DSEL: variants seen among roughly 807,000 people sequenced by gnomAD.
DSEL encodes dermatan-sulfate epimerase-like protein.
Under a neutral mutation model 96.6 loss-of-function variants are expected in DSEL, and 61 were observed. The observed-to-expected ratio is 0.63, with a 90% CI of 0.51 to 0.78. DSEL has a LOEUF of 0.78. DSEL is among the 30% of genes least tolerant of loss of function. DSEL has a pLI of 0.00. For synonymous variants in DSEL, 514 were observed against 502.0 expected, an observed-to-expected ratio of 1.02 and a Z score of -0.32; for missense variants, 1,320 against 1,430.8, an observed-to-expected ratio of 0.92 and a Z score of 1.25.
Position 67,510,548 on chromosome 18 carries a change from G to A in DSEL, c.*422C>T, listed in dbSNP as rs1009577353. 5.5e-5 allele frequency: 9 copies of A among 162,280 alleles called. No individual in the cohort carries two copies. The highest frequency in any genetic ancestry group is 2.2e-4 in the African/African-American group (9 of 41,820). 10.1% of individuals were successfully genotyped at this position (162,280 alleles called of 1,614,324 possible). ...CTTTTCAAAAGGATAAGGAACTTTT[G>A]TAGTCCATCTTGAAAGCAAGAGATG... On this transcript the variant is annotated 3_prime_UTR_variant, in exon 2 of 2. Transcript: ENST00000310045.
chr18:67,512,361 A>G lies in DSEL; in HGVS notation c.2248T>C (p.Leu750=), dbSNP rs758124949. The change falls in exon 2 of 2, where the codon TTG becomes CTG. Residue 750 remains leucine (L), a synonymous_variant. Transcript: ENST00000310045. Reference sequence around the variant, plus strand: ...GGCTTTACTATTGCTTGAGTGCCCAAACCAAATCGGGTTATTTGGCCTTGA... The same window carrying G: ...GGCTTTACTATTGCTTGAGTGCCCAGACCAAATCGGGTTATTTGGCCTTGA... The part of the protein sequence containing the change: ...ADQGQITRFG[L]GTQAIVKPVR... The G allele has an allele frequency of 1.4e-5, 22 of 1,614,182 alleles. No individual in the cohort carries two copies. The East Asian group carries it at 3.1e-4, about 23-fold the overall frequency.
Position 67,515,483 on chromosome 18 carries a change from T to C in DSEL, c.-875A>G, listed in dbSNP as rs567402060. ...AGGTCTCTCTTCTGCTCTTTTTTCA[T>C]GACACTTTTCTGGGGATGGGGGACA... On this transcript the variant is annotated 5_prime_UTR_variant, in exon 2 of 2. It removes an upstream start codon present in the reference 5' UTR. Transcript: ENST00000310045. 1.8e-5 allele frequency: 3 copies of C among 167,118 alleles called. No individual in the cohort carries two copies. Among genetic ancestry groups the C allele is most frequent in the Non-Finnish European group, 4.4e-5 (3 of 68,114 alleles). 10.4% of individuals were successfully genotyped at this position (167,118 alleles called of 1,614,324 possible).
At position 67,513,392 on chromosome 18, in the gene DSEL, G is replaced by A; in HGVS notation, c.1217C>T (p.Thr406Ile). The A allele has an allele frequency of 1.2e-6, 2 of 1,614,204 alleles. No individual in the cohort carries two copies. Among genetic ancestry groups the A allele is most frequent in the Non-Finnish European group, 1.7e-6 (2 of 1,180,040 alleles). The change falls in exon 2 of 2, where the codon ACT becomes ATT. Residue 406 changes from threonine to isoleucine, a missense_variant. By Grantham distance (89) the Thr-to-Ile change is moderately conservative (BLOSUM62 -1). This residue lies in a region of DSEL where 986 missense variants were observed against 1,066.4 expected (regional missense o/e 0.92). Coordinates refer to ENST00000310045, the MANE Select transcript of DSEL (RefSeq NM_032160.3). Reference protein sequence around the residue: ...LTPQPPADYGTAKIHTFPNWG... With the variant: ...LTPQPPADYGIAKIHTFPNWG... ...GTTAGGGAATGTGTGTATTTTTGCA[G>A]TACCATAATCAGCAGGTGGCTGTGG...
chr18:67,512,332 T>A lies in DSEL; in HGVS notation c.2277A>T (p.Val759=). The A allele has an allele frequency of 1.2e-5, 19 of 1,614,244 alleles. No individual in the cohort carries two copies. Among genetic ancestry groups the A allele is most frequent in the Non-Finnish European group, 1.6e-5 (19 of 1,180,048 alleles). Reference sequence around the variant, plus strand: ...AGGGGAAAATAATCCTATCATGTCTTACAGGCTTTACTATTGCTTGAGTGC... The same window carrying A: ...AGGGGAAAATAATCCTATCATGTCTAACAGGCTTTACTATTGCTTGAGTGC... The part of the protein sequence containing the change: ...GLGTQAIVKP[V]RHDRIIFPFG... The change falls in exon 2 of 2, where the codon GTA becomes GTT. Residue 759 remains valine (V), a synonymous_variant. Transcript: ENST00000310045.
chr18:67,516,658 C>G lies in DSEL; in HGVS notation c.-1182G>C, dbSNP rs2089478627. 6.9e-6 allele frequency: 1 copy of G among 144,838 alleles called. No individual in the cohort carries two copies. Among genetic ancestry groups the G allele is most frequent in the African/African-American group, 2.6e-5 (1 of 38,998 alleles). The allele number at this position is 144,838 out of a possible 1,614,324, so 9.0% of individuals were successfully genotyped here. A position where few individuals can be genotyped will look rare whatever the true frequency, so the allele number is the denominator to read the frequency against. Reference sequence around the variant, plus strand: ...CGGGCGGCGGGTTCTCTCGGTGGCGCCGTATCCAGAGCAGCGCCCGCGTGC... The same window carrying G: ...CGGGCGGCGGGTTCTCTCGGTGGCGGCGTATCCAGAGCAGCGCCCGCGTGC... On this transcript the variant is annotated 5_prime_UTR_variant, in exon 1 of 2. Transcript: ENST00000310045. The surrounding 1 kb of genome is among the most constrained non-coding windows in gnomAD (Gnocchi z 5.6).
In DSEL at chr18:67,514,490, T is replaced by C; in HGVS notation, c.119A>G (p.Asp40Gly). 1 of 1,614,188 alleles carries C rather than the reference T, an allele frequency of 6.2e-7. No homozygotes were observed. The highest frequency in any genetic ancestry group is 8.5e-7 in the Non-Finnish European group (1 of 1,180,038). Residue 40 changes from aspartate to glycine, a missense_variant, in exon 2 of 2, where the codon GAT becomes GGT. Coordinates refer to ENST00000310045, the MANE Select transcript of DSEL (RefSeq NM_032160.3). ...TTGCACTTTCTGTGTTTTAAACTGA[T>C]CTATATCATCTGTGAAAACTGCCCA... Reference protein sequence around the residue: ...SEWAVFTDDIDQFKTQKVQDF... With the variant: ...SEWAVFTDDIGQFKTQKVQDF...
In DSEL at chr18:67,508,685, A is replaced by G. The variant is rs571358624; in HGVS notation, c.*2285T>C. 1 of 150,076 alleles carries G rather than the reference A, an allele frequency of 6.7e-6. No individual in the cohort carries two copies. The highest frequency in any genetic ancestry group is 6.6e-5 in the Admixed American group (1 of 15,058). The allele number at this position is 150,076 out of a possible 1,614,324, so 9.3% of individuals were successfully genotyped here. Reference sequence around the variant, plus strand: ...AACTCTTCTTTCCCTATTACTCCACATACTCCATCTGGCCTTCTCCTGCCA... The same window carrying G: ...AACTCTTCTTTCCCTATTACTCCACGTACTCCATCTGGCCTTCTCCTGCCA... On this transcript the variant is annotated 3_prime_UTR_variant, in exon 2 of 2. Coordinates refer to ENST00000310045, the MANE Select transcript of DSEL (RefSeq NM_032160.3).
At position 67,512,242 on chromosome 18, in the gene DSEL, GA is replaced by G. The variant is rs761596732; in HGVS notation, c.2366del (p.Phe789SerfsTer12). On this transcript the variant is annotated frameshift_variant, in exon 2 of 2. Transcript: ENST00000310045. LOFTEE classifies it high-confidence loss of function. ...ILCISLVILTFQWRFYLSFRK... is the reference protein window; with the variant it reads ...ILCISLVILTXQWRFYLSFRK... ...TAAAAGAAAGGTAAAAACGCCATTG[GA>G]AAGTTAAAATCACCAAGCTAATGCA... 1.5e-5 allele frequency: 25 copies of G among 1,614,014 alleles called. No homozygotes were observed. Among genetic ancestry groups the G allele is most frequent in the Non-Finnish European group, 2.1e-5 (25 of 1,180,012 alleles).
In DSEL at chr18:67,514,491, C is replaced by G; in HGVS notation, c.118G>C (p.Asp40His). The change falls in exon 2 of 2, where the codon GAT becomes CAT. Residue 40 changes from aspartate to histidine, a missense_variant. This residue lies in a region of DSEL where 323 missense variants were observed against 333.1 expected (regional missense o/e 0.97). Coordinates refer to ENST00000310045, the MANE Select transcript of DSEL (RefSeq NM_032160.3). Reference protein sequence around the residue: ...SEWAVFTDDIDQFKTQKVQDF... With the variant: ...SEWAVFTDDIHQFKTQKVQDF... The stretch of plus-strand genomic sequence containing the variant: ...TGCACTTTCTGTGTTTTAAACTGAT[C>G]TATATCATCTGTGAAAACTGCCCAT... 6.2e-7 allele frequency: 1 copy of G among 1,614,162 alleles called. No individual in the cohort carries two copies. Among genetic ancestry groups the G allele is most frequent in the Non-Finnish European group, 8.5e-7 (1 of 1,180,032 alleles).
rs2089443850 is a variant in DSEL at position 67,511,727 on chromosome 18, A to C, written c.2882T>G (p.Phe961Cys). ...FAMNKDKKRKFKRRESLPEQR... is the reference protein window; with the variant it reads ...FAMNKDKKRKCKRRESLPEQR... ...TTCTGGCAAAGACTCTCTCCTTTTA[A>C]ATTTTCTTTTTTTGTCCTTATTCAT... The change falls in exon 2 of 2, where the codon TTT becomes TGT. Residue 961 changes from phenylalanine (F) to cysteine (C), a missense_variant. By Grantham distance (205) the Phe-to-Cys change is radical. This residue lies in a region of DSEL where 986 missense variants were observed against 1,066.4 expected (regional missense o/e 0.92). Coordinates refer to ENST00000310045, the MANE Select transcript of DSEL (RefSeq NM_032160.3). The C allele has an allele frequency of 6.2e-7, 1 of 1,613,736 alleles. No homozygotes were observed. The highest frequency in any genetic ancestry group is 1.3e-5 in the African/African-American group (1 of 74,788).
Position 67,514,765 on chromosome 18 carries a change from T to A in DSEL, c.-157A>T. 1.2e-6 allele frequency: 1 copy of A among 845,956 alleles called. No individual in the cohort carries two copies. Among genetic ancestry groups the A allele is most frequent in the Non-Finnish European group, 1.8e-6 (1 of 548,866 alleles). The allele number at this position is 845,956 out of a possible 1,614,324, so 52.4% of individuals were successfully genotyped here. On this transcript the variant is annotated 5_prime_UTR_variant, in exon 2 of 2. Transcript: ENST00000310045. Reference sequence around the variant, plus strand: ...AATCCAGCTGACATTCAGTACATTTTAAGCAAGTGCAGTTGCCAAAAAGAG... The same window carrying A: ...AATCCAGCTGACATTCAGTACATTTAAAGCAAGTGCAGTTGCCAAAAAGAG...
At position 67,509,833 on chromosome 18, in the gene DSEL, G is replaced by A. The variant is rs2089431435; in HGVS notation, c.*1137C>T. On this transcript the variant is annotated 3_prime_UTR_variant, in exon 2 of 2. Coordinates refer to ENST00000310045, the MANE Select transcript of DSEL (RefSeq NM_032160.3). ...AATAAAATAAACCACACTTTATGAC[G>A]ACTACATTTATAATAAGATGCAGAT... is the stretch of plus-strand genomic sequence containing the variant. 2 of 152,580 alleles carry A rather than the reference G, an allele frequency of 1.3e-5. No individual in the cohort carries two copies. Among genetic ancestry groups the A allele is most frequent in the South Asian group, 2.1e-4 (1 of 4,832 alleles). 9.5% of individuals were successfully genotyped at this position (152,580 alleles called of 1,614,324 possible).
rs2089436719 is a variant in DSEL at position 67,510,767 on chromosome 18, G to A, written c.*203C>T. 1 of 486,594 alleles carries A rather than the reference G, an allele frequency of 2.1e-6. No individual in the cohort carries two copies. The highest frequency in any genetic ancestry group is 3.5e-6 in the Non-Finnish European group (1 of 282,244). The allele number at this position is 486,594 out of a possible 1,614,324, so 30.1% of individuals were successfully genotyped here. ...ACAAAATTTTCAGAAACAAAGGCAAGGGAGGTGATGACATAAAAATAAATC... is the reference window on the plus strand; with the variant it reads ...ACAAAATTTTCAGAAACAAAGGCAAAGGAGGTGATGACATAAAAATAAATC... On this transcript the variant is annotated 3_prime_UTR_variant, in exon 2 of 2. Transcript: ENST00000310045.
At position 67,514,138 on chromosome 18, in the gene DSEL, G is replaced by GT. The variant is rs775168761; in HGVS notation, c.470dup (p.Asp157GlufsTer11). The GT allele has an allele frequency of 6.2e-7, 1 of 1,614,206 alleles. No homozygotes were observed. Among genetic ancestry groups the GT allele is most frequent in the South Asian group, 1.1e-5 (1 of 91,088 alleles). On this transcript the variant is annotated frameshift_variant, in exon 2 of 2. Coordinates refer to ENST00000310045, the MANE Select transcript of DSEL (RefSeq NM_032160.3). LOFTEE classifies it high-confidence loss of function. ...CTCCTGGTGCATTCTCTACTAGCCA[G>GT]TCTTTGTAGCCAACCATCCTGTCCA... is the stretch of plus-strand genomic sequence containing the variant.
Position 67,513,718 on chromosome 18 carries a change from A to G in DSEL, c.891T>C (p.His297=). The G allele has an allele frequency of 6.2e-7, 1 of 1,614,230 alleles. No individual in the cohort carries two copies. Among genetic ancestry groups the G allele is most frequent in the Non-Finnish European group, 8.5e-7 (1 of 1,180,042 alleles). Residue 297 remains histidine (H), a synonymous_variant, in exon 2 of 2, where the codon CAT becomes CAC. Transcript: ENST00000310045. ...VTQYVFLAQR[H]FNINNLDNNW... is the part of the protein sequence containing the mutation. ...TATTATCCAAGTTGTTGATATTAAAATGGCGCTGGGCCAGAAAAACATACT... is the reference window on the plus strand; with the variant it reads ...TATTATCCAAGTTGTTGATATTAAAGTGGCGCTGGGCCAGAAAAACATACT...
Position 67,515,387 on chromosome 18 carries a change from C to T in DSEL, c.-779G>A, listed in dbSNP as rs934241103. 3 of 167,006 alleles carry T rather than the reference C, an allele frequency of 1.8e-5. No homozygotes were observed. Among genetic ancestry groups the T allele is most frequent in the African/African-American group, 4.8e-5 (2 of 41,438 alleles). The allele number at this position is 167,006 out of a possible 1,614,324, so 10.3% of individuals were successfully genotyped here. The stretch of plus-strand genomic sequence containing the variant: ...CATAAAAATGGAATATCTTCAGTCA[C>T]CTAGATACTTCTCGTCCGATCATGA... On this transcript the variant is annotated 5_prime_UTR_variant, in exon 2 of 2. In the 5' UTR this introduces an upstream ATG that the reference lacks. Transcript: ENST00000310045.
rs964340640 is a variant in DSEL, at chr18:67,513,873, T to G, written c.736A>C (p.Lys246Gln). ...ALVTGVDKGSKANIWKQAVVD... is the reference protein window; with the variant it reads ...ALVTGVDKGSQANIWKQAVVD... ...ACAGCCTGTTTCCATATATTTGCTT[T>G]AGATCCTTTATCTACTCCAGTCACC... Residue 246 changes from lysine to glutamine, a missense_variant, in exon 2 of 2, where the codon AAA becomes CAA. Physicochemically the swap from Lys to Gln is moderately conservative, Grantham distance 53. This residue lies in a region of DSEL where 323 missense variants were observed against 333.1 expected (regional missense o/e 0.97). Transcript: ENST00000310045. 9 of 1,614,080 alleles carry G rather than the reference T, an allele frequency of 5.6e-6. No individual in the cohort carries two copies. The highest frequency in any genetic ancestry group is 2.2e-5 in the South Asian group (2 of 91,090).
Position 67,513,322 on chromosome 18 carries a change from G to A in DSEL, c.1287C>T (p.Thr429=), listed in dbSNP as rs1442708084. 1 of 1,614,170 alleles carries A rather than the reference G, an allele frequency of 6.2e-7. No homozygotes were observed. Among genetic ancestry groups the A allele is most frequent in the Non-Finnish European group, 8.5e-7 (1 of 1,180,042 alleles). ...TYGAGLPNTQ[T]NTFVSFKSGK... is the part of the protein sequence containing the mutation. ...CAGATTTAAAAGACACAAAGGTGTTGGTCTGTGTGTTTGGCAACCCAGCCC... is the reference window on the plus strand; with the variant it reads ...CAGATTTAAAAGACACAAAGGTGTTAGTCTGTGTGTTTGGCAACCCAGCCC... The change falls in exon 2 of 2, where the codon ACC becomes ACT. Residue 429 remains threonine, a synonymous_variant. Coordinates refer to ENST00000310045, the MANE Select transcript of DSEL (RefSeq NM_032160.3).
intron 1 of DSEL, among the ~76,000 whole-genome samples, chr18:67,515,804 G>T (rs982006387): frequency 7.9e-5 from 12 of 151,640 alleles, no homozygotes; most frequent in African/African-American, 2.9e-4. Context: ...AAAAATGTTT[G>T]TATTCAAATG....
Sources: gnomAD v4.1 joint callset for allele counts (sites outside exome capture counted in the v4.1 genomes callset) on GRCh38, gnomAD v4.1.1 for gene constraint, gnomAD v4.1.1 regional missense constraint, Gnocchi (gnomAD v3.1) non-coding constraint, MANE v1.5 for transcripts, NCBI Gene and HGNC (gene_info 2026-07-23, HGNC 2026-07-21) for gene names.